PDE6B: variants seen among roughly 807,000 people sequenced by gnomAD.
PDE6B encodes the protein phosphodiesterase 6B, also known as rod cGMP-specific 3',5'-cyclic phosphodiesterase subunit beta.
Under a neutral mutation model 109.0 loss-of-function variants are expected in PDE6B, and 106 were observed. The ratio of observed to expected loss-of-function variants is 0.97; its 90% CI spans 0.83 to 1.14. The LOEUF (loss-of-function observed/expected upper bound fraction) is 1.14, where lower values mean the gene tolerates loss of function less well. PDE6B is among the 50% of genes most tolerant of loss of function. PDE6B has a pLI of 0.00. For missense variants in PDE6B, 1,193 were observed against 1,155.6 expected, an observed-to-expected ratio of 1.03 and a Z score of -0.47; for synonymous variants, 490 against 471.3, an observed-to-expected ratio of 1.04 and a Z score of -0.51.
At chr4:643,135 C>T (rs1000056791) in intron 3 of PDE6B, among the ~76,000 whole-genome samples, 2 of 151,934 alleles carry the variant, frequency 1.3e-5, no homozygotes. Context: ...TGGTGAAACC[C>T]CGTCTCTACT....
At chr4:630,387 T>G (rs1382880697) in intron 1 of PDE6B, among the ~76,000 whole-genome samples, 1 of 152,156 alleles carries the variant, frequency 6.6e-6, no homozygotes, top group South Asian at 2.1e-4. Context: ...GCCCGGCTGG[T>G]ACCGAGTGCC....
rs376325785 is a variant in PDE6B, at chr4:656,255, T to C, written c.1070T>C (p.Ile357Thr). 6.9e-6 allele frequency: 11 copies of C among 1,596,816 alleles called. No individual in the cohort carries two copies. The highest frequency in any genetic ancestry group is 6.7e-5 in the East Asian group (3 of 44,808). Residue 357 changes from isoleucine to threonine, a missense_variant, in exon 8 of 22, where the codon ATC (isoleucine) becomes ACC (threonine). Transcript: ENST00000496514. Reference protein sequence around the residue: ...YVAESGFICNIMNASADEMFK... With the variant: ...YVAESGFICNTMNASADEMFK... The stretch of plus-strand genomic sequence containing the variant: ...CTGATGCTTTTTCAGATTTGTAACA[T>C]CATGAATGCTTCCGCTGACGAAATG...
intron 8 of PDE6B, among the ~76,000 whole-genome samples, chr4:656,608 G>A (rs532790806): frequency 1.1e-4 from 17 of 152,186 alleles, no homozygotes; most frequent in Admixed American, 4.6e-4. Flanking sequence ...GGCCGTGACC[G>A]CCGCCCCACA....
At chr4:630,824 C>A (rs1734349410) in intron 1 of PDE6B, among the ~76,000 whole-genome samples, 1 of 152,210 alleles carries the variant, frequency 6.6e-6, no homozygotes, top group African/African-American at 2.4e-5. Flanking sequence ...AAAGAGGCTG[C>A]AGTCACAAAG....
At position 670,183 on chromosome 4, in the gene PDE6B, G is replaced by A. The variant is rs760590199; in HGVS notation, c.*76G>A. ...ATTTGGGTTCTGCCTGTGGCTATTT[G>A]CTACAAGAGGTTAGGAAGCCCAAGA... On this transcript the variant is annotated 3_prime_UTR_variant, in exon 22 of 22. Coordinates refer to ENST00000496514, the MANE Select transcript of PDE6B (RefSeq NM_000283.4). 3 of 1,608,456 alleles carry A rather than the reference G, an allele frequency of 1.9e-6. No homozygotes were observed. The highest frequency in any genetic ancestry group is 2.7e-5 in the African/African-American group (2 of 74,700).
At chr4:649,425 G>C (rs1735381120) in intron 3 of PDE6B, among the ~76,000 whole-genome samples, 1 of 152,084 alleles carries the variant, frequency 6.6e-6, no homozygotes, top group Non-Finnish European at 1.5e-5. Flanking sequence ...CAGAAACAAG[G>C]CTCCTGGGGC....
At chr4:637,530 T>C (rs1734749369) in intron 3 of PDE6B, among the ~76,000 whole-genome samples, 3 of 152,170 alleles carry the variant, frequency 2.0e-5, no homozygotes, top group African/African-American at 7.2e-5. Flanking sequence ...CTGGCTTGGT[T>C]TTGAAATGGA....
rs1178351253 is a variant in PDE6B, at chr4:662,111, C to T, written c.1615-23C>T. ...GACTTACACGCTTGCCGCCGGAGCC[C>T]TGTGTCCTCTCGGCTCCCCCAGGTC... On this transcript the variant is annotated intron_variant, in intron 12 of 21. Coordinates refer to ENST00000496514, the MANE Select transcript of PDE6B (RefSeq NM_000283.4). The surrounding 1 kb of genome is among the most constrained non-coding windows in gnomAD (Gnocchi z 4.3). 1 of 1,251,092 alleles carries T rather than the reference C, an allele frequency of 8.0e-7. No homozygotes were observed. Among genetic ancestry groups the T allele is most frequent in the Non-Finnish European group, 1.1e-6 (1 of 872,088 alleles). The allele number at this position is 1,251,092 out of a possible 1,614,324, so 77.5% of individuals were successfully genotyped here. A position where few individuals can be genotyped will look rare whatever the true frequency, so the allele number is the denominator to read the frequency against.
chr4:660,519 C>T lies in PDE6B; in HGVS notation c.1520C>T (p.Ser507Phe). 1 of 1,613,538 alleles carries T rather than the reference C, an allele frequency of 6.2e-7. No individual in the cohort carries two copies. The highest frequency in any genetic ancestry group is 8.5e-7 in the Non-Finnish European group (1 of 1,179,574). The change falls in exon 12 of 22, where the codon TCT (serine) becomes TTT (phenylalanine). Residue 507 changes from serine to phenylalanine, a missense_variant. Transcript: ENST00000496514. ...TTFDIYEFHF[S>F]DLECTELDLV... ...TTTGACATCTACGAATTCCACTTCTCTGACCTGGAGTGCACCGAACTGGAC... is the reference window on the plus strand; with the variant it reads ...TTTGACATCTACGAATTCCACTTCTTTGACCTGGAGTGCACCGAACTGGAC...
intron 3 of PDE6B, 40 bp from the exon 4 acceptor site, chr4:653,812 G>A: frequency 1.2e-6 from 2 of 1,611,142 alleles, no homozygotes; most frequent in Non-Finnish European, 1.7e-6. Context: ...GCGTGAGGGT[G>A]GGAGTGGCCA....
rs762663455 is a variant in PDE6B at position 626,004 on chromosome 4, C to T, written c.378C>T (p.Pro126=). The T allele has an allele frequency of 1.5e-5, 24 of 1,585,810 alleles. No homozygotes were observed. Among genetic ancestry groups the T allele is most frequent in the East Asian group, 9.2e-5 (4 of 43,380 alleles). The part of the protein sequence containing the change: ...DSVLEDCLVP[P]DSEIVFPLDI... ...TCCTGGAGGACTGCCTGGTGCCCCC[C>T]GACTCCGAGATCGTCTTCCCACTGG... Residue 126 remains proline (P), a synonymous_variant, in exon 1 of 22, where the codon CCC becomes CCT. Transcript: ENST00000496514. This position sits in a 1 kb window ranked among gnomAD's most constrained non-coding sequence, Gnocchi z 4.6.
In PDE6B at chr4:663,634, T is replaced by C; in HGVS notation, c.1921-136T>C. On this transcript the variant is annotated intron_variant, in intron 15 of 21. Coordinates refer to ENST00000496514, the MANE Select transcript of PDE6B (RefSeq NM_000283.4). The surrounding 1 kb of genome is among the most constrained non-coding windows in gnomAD (Gnocchi z 4.0). Reference sequence around the variant, plus strand: ...AGGAGGGCCCTGAGCAGCAGGCGGATTAGGGGTCCCGCCCACCGAGGGCCC... The same window carrying C: ...AGGAGGGCCCTGAGCAGCAGGCGGACTAGGGGTCCCGCCCACCGAGGGCCC... 1 of 707,986 alleles carries C rather than the reference T, an allele frequency of 1.4e-6. No homozygotes were observed. The highest frequency in any genetic ancestry group is 2.0e-5 in the Admixed American group (1 of 48,984). 43.9% of individuals were successfully genotyped at this position (707,986 alleles called of 1,614,324 possible).
At position 653,841 on chromosome 4, in the gene PDE6B, C is replaced by T. The variant is rs1329776014; in HGVS notation, c.712-11C>T. ...GTGGCCACAGGCCCACAGGTGTGCC[C>T]CTCCCTCCAGGTGCTGCTGTGGTCG... is the stretch of plus-strand genomic sequence containing the variant. On this transcript the variant is annotated splice_polypyrimidine_tract_variant and intron_variant, in intron 3 of 21. Coordinates refer to ENST00000496514, the MANE Select transcript of PDE6B (RefSeq NM_000283.4). 2 of 1,613,358 alleles carry T rather than the reference C, an allele frequency of 1.2e-6. No individual in the cohort carries two copies. The highest frequency in any genetic ancestry group is 1.7e-6 in the Non-Finnish European group (2 of 1,179,898).
chr4:663,680 C>A lies in PDE6B; in HGVS notation c.1921-90C>A. 2 of 930,722 alleles carry A rather than the reference C, an allele frequency of 2.1e-6. No individual in the cohort carries two copies. The highest frequency in any genetic ancestry group is 3.5e-6 in the Non-Finnish European group (2 of 573,774). The allele number at this position is 930,722 out of a possible 1,614,324, so 57.7% of individuals were successfully genotyped here. A position where few individuals can be genotyped will look rare whatever the true frequency, so the allele number is the denominator to read the frequency against. ...GGCCCGAGGGCGGGGGCGTGAGAGG[C>A]ACAGGCAGCCGAGGCGGAAGGGGCG... On this transcript the variant is annotated intron_variant, in intron 15 of 21. Coordinates refer to ENST00000496514, the MANE Select transcript of PDE6B (RefSeq NM_000283.4). The surrounding 1 kb of genome is among the most constrained non-coding windows in gnomAD (Gnocchi z 4.0).
intron 3 of PDE6B, among the ~76,000 whole-genome samples, chr4:644,418 A>G (rs959971525): frequency 7.9e-5 from 12 of 152,178 alleles, no homozygotes; most frequent in African/African-American, 2.4e-4. Context: ...AATGTGGTTT[A>G]TCTTGCTGTA....
At position 663,836 on chromosome 4, in the gene PDE6B, G is replaced by A. The variant is rs767229916; in HGVS notation, c.1987G>A (p.Ala663Thr). ...GCACGTGATCCACCTGATGGACATCGCCATCATCGCCACGGACCTGGCCCT... is the reference window on the plus strand; with the variant it reads ...GCACGTGATCCACCTGATGGACATCACCATCATCGCCACGGACCTGGCCCT... The part of the protein sequence containing the change: ...HEHVIHLMDI[A>T]IIATDLALYF... The change falls in exon 16 of 22, where the codon GCC becomes ACC. Residue 663 changes from alanine to threonine, a missense_variant. Transcript: ENST00000496514. The surrounding 1 kb of genome is among the most constrained non-coding windows in gnomAD (Gnocchi z 4.0). 4 of 1,611,932 alleles carry A rather than the reference G, an allele frequency of 2.5e-6. No individual in the cohort carries two copies. In the South Asian group the frequency reaches 4.4e-5, roughly 18 times the overall value.
chr4:634,996 C>T (rs1356578369), intron 2 of PDE6B, among the ~76,000 whole-genome samples, 167 bp downstream of exon 2: 108 of 120,922 alleles, frequency 8.9e-4, no homozygotes, highest in Non-Finnish European at 1.0e-3. Context: ...TTCTGTGCTG[C>T]GTGTCTGCCT....
chr4:650,968 G>A (rs1178683727), intron 3 of PDE6B, among the ~76,000 whole-genome samples: 1 of 152,212 alleles, frequency 6.6e-6, no homozygotes, highest in Non-Finnish European at 1.5e-5. Context: ...GGGTGGGGCT[G>A]CTGGGCTGGG....
Position 662,390 on chromosome 4 carries a change from C to T in PDE6B, c.1723-119C>T, listed in dbSNP as rs568471066. The stretch of plus-strand genomic sequence containing the variant: ...CTCTGACACCGTGCACCGCGCACCC[C>T]AGCCCTGCGGTGGTCGGAGGTCCAA... On this transcript the variant is annotated intron_variant, in intron 13 of 21. Transcript: ENST00000496514. The surrounding 1 kb of genome is among the most constrained non-coding windows in gnomAD (Gnocchi z 4.3). 1.3e-5 allele frequency: 11 copies of T among 841,102 alleles called. No individual in the cohort carries two copies. The highest frequency in any genetic ancestry group is 9.8e-5 in the South Asian group (7 of 71,266). The allele number at this position is 841,102 out of a possible 1,614,324, so 52.1% of individuals were successfully genotyped here.
Sources: allele counts gnomAD v4.1 joint callset (sites outside exome capture counted in the v4.1 genomes callset), GRCh38; gene constraint gnomAD v4.1.1; non-coding constraint Gnocchi (gnomAD v3.1); transcripts MANE v1.5; gene names NCBI Gene and HGNC (gene_info 2026-07-23, HGNC 2026-07-21).